ZNF536: variants seen among roughly 807,000 people sequenced by gnomAD.
ZNF536 encodes the protein zinc finger protein 536.
A neutral mutation model predicts 84.5 loss-of-function variants in ZNF536; 13 were observed. The observed-to-expected ratio is 0.15, with a 90% CI of 0.10 to 0.24. ZNF536 has a LOEUF of 0.24. Ranked by LOEUF, ZNF536 falls within the 10% of genes least tolerant of loss-of-function variation. ZNF536 has a pLI of 1.00. For synonymous variants in ZNF536, 811 were observed against 742.5 expected (o/e 1.09, Z -1.50); for missense variants, 1,536 against 1,747.5 (o/e 0.88, Z 2.16).
At chr19:30,533,940 A>G (rs2044964416) in intron 2 of ZNF536, among the ~76,000 whole-genome samples, 1 of 152,232 alleles carries the variant, frequency 6.6e-6, no homozygotes. Context: ...TGGCAGTGTG[A>G]TGTCAGGCCT....
intron 1 of ZNF536, among the ~76,000 whole-genome samples, chr19:30,442,176 T>G (rs1026294861): frequency 6.6e-6 from 1 of 152,138 alleles, no homozygotes; most frequent in Non-Finnish European, 1.5e-5. Flanking sequence ...TAGCTGGAAA[T>G]AGAAGGATCC....
chr19:30,427,047 A>G (rs2051247389), intron 1 of ZNF536, among the ~76,000 whole-genome samples: 1 of 152,224 alleles, frequency 6.6e-6, no homozygotes, highest in Non-Finnish European at 1.5e-5. Context: ...GTGAGGTAAC[A>G]AAGAAAAGTA....
At chr19:30,658,893 C>G (rs974212626) in intron 1 of ZNF536, among the ~76,000 whole-genome samples, 2 of 152,222 alleles carry the variant, frequency 1.3e-5, no homozygotes, top group African/African-American at 4.8e-5. Flanking sequence ...GAGACATAAA[C>G]TTGCTAACAT....
intron 1 of ZNF536, among the ~76,000 whole-genome samples, chr19:30,619,287 G>A (rs1413413166): frequency 6.6e-6 from 1 of 151,956 alleles, no homozygotes; most frequent in Non-Finnish European, 1.5e-5. Context: ...CTTCTCCTAT[G>A]AACTTCAGAT....
intron 1 of ZNF536, among the ~76,000 whole-genome samples, chr19:30,251,722 C>A (rs917933580): frequency 6.6e-6 from 1 of 152,046 alleles, no homozygotes; most frequent in Non-Finnish European, 1.5e-5. Context: ...GTCTTTTATT[C>A]CTCACTCACT....
At chr19:30,659,293 C>T (rs1250813842) in intron 1 of ZNF536, among the ~76,000 whole-genome samples, 2 of 151,142 alleles carry the variant, frequency 1.3e-5, no homozygotes, top group Non-Finnish European at 2.9e-5. Flanking sequence ...ATGGCCAGGG[C>T]AGGAGGAAAG....
intron 1 of ZNF536, among the ~76,000 whole-genome samples, chr19:30,283,050 A>G (rs2045505774): frequency 6.6e-6 from 1 of 152,226 alleles, no homozygotes; most frequent in African/African-American, 2.4e-5. Flanking sequence ...CCAGTGGTTC[A>G]ATCAGTACAA....
rs868466190 is a variant in ZNF536, at chr19:30,615,095, C to T, written c.169+65581C>T. ...CCGTGTAGCTGGGACTACAGGTGCG[C>T]GCCACCATGCCCGGCTAATTTTTGT... On this transcript the variant is annotated intron_variant, in intron 1 of 1. Coordinates refer to the ZNF536 transcript ENST00000592773. Among the ~76,000 whole-genome samples the T allele has an allele frequency of 4.8e-5, 7 of 146,656 alleles. No homozygotes were observed. The East Asian group carries it at 6.0e-4, about 13-fold the overall frequency.
At position 30,469,972 on chromosome 19, in the gene ZNF536, C is replaced by T. The variant is rs140546358; in HGVS notation, c.2170+24240C>T. Among the ~76,000 whole-genome samples, 78 of 152,320 alleles carry T rather than the reference C, an allele frequency of 5.1e-4. 1 individual carries two copies. In the East Asian group the frequency reaches 0.014, roughly 27 times the overall value. On this transcript the variant is annotated intron_variant, in intron 2 of 4. Transcript: ENST00000355537. ...GCAAGGAAGCCAGAGAAATCAGCAG[C>T]AACAGTGGTCTCCAGGGGGAGAGAT...
At chr19:30,354,929 G>C (rs1275520321) in intron 3 of ZNF536, among the ~76,000 whole-genome samples, 1 of 152,180 alleles carries the variant, frequency 6.6e-6, no homozygotes, top group Middle Eastern at 3.2e-3. Flanking sequence ...TTCAGCCCCA[G>C]AGCCTTTTCT....
At position 30,236,536 on chromosome 19, in the gene ZNF536, G is replaced by T. The variant is rs541477560; in HGVS notation, c.-190+7863G>T. ...CTTTTGTTAAAGTTGGGGCGGGGGGGGGGTACAATTGGAATTTTAGTTCCA... is the reference window on the plus strand; with the variant it reads ...CTTTTGTTAAAGTTGGGGCGGGGGGTGGGTACAATTGGAATTTTAGTTCCA... On this transcript the variant is annotated intron_variant, in intron 1 of 5. Coordinates refer to the ZNF536 transcript ENST00000585628. 1.1e-4 allele frequency among the ~76,000 whole-genome samples: 17 copies of T among 149,786 alleles called. 1 individual carries two copies. The highest frequency in any genetic ancestry group is 4.2e-4 in the South Asian group (2 of 4,776).
chr19:30,456,614 T>C (rs1400712839), intron 2 of ZNF536, among the ~76,000 whole-genome samples: 2 of 152,216 alleles, frequency 1.3e-5, no homozygotes, highest in African/African-American at 2.4e-5. Flanking sequence ...CGCCACTCTG[T>C]GACTTATTTG....
rs539420453 is a variant in ZNF536, at chr19:30,251,287, T to C, written c.-190+22614T>C. On this transcript the variant is annotated intron_variant, in intron 1 of 5. Transcript: ENST00000585628. The stretch of plus-strand genomic sequence containing the variant: ...TTGGGCCACCCATCTAGTAGATTAA[T>C]GTGGACAATGATGAAATGATGGTTC... Among the ~76,000 whole-genome samples, 6 of 152,300 alleles carry C rather than the reference T, an allele frequency of 3.9e-5. No individual in the cohort carries two copies. In the South Asian group the frequency reaches 1.2e-3, roughly 32 times the overall value.
chr19:30,306,867 G>A (rs2146019212), intron 2 of ZNF536, among the ~76,000 whole-genome samples: 1 of 152,212 alleles, frequency 6.6e-6, no homozygotes, highest in Non-Finnish European at 1.5e-5. Flanking sequence ...AAGCTTAAGT[G>A]TAAGAGCCAC....
intron 1 of ZNF536, among the ~76,000 whole-genome samples, chr19:30,266,124 C>G (rs1344810607): frequency 6.6e-6 from 1 of 152,222 alleles, no homozygotes; most frequent in Non-Finnish European, 1.5e-5. Flanking sequence ...TCACAGCTCA[C>G]TGCAGCCTTG....
At chr19:30,536,038 G>A (rs183958679) in intron 3 of ZNF536, among the ~76,000 whole-genome samples, 10 of 152,240 alleles carry the variant, frequency 6.6e-5, no homozygotes, top group Admixed American at 2.6e-4. Context: ...GCCATGGGCC[G>A]AGTCACCAGC....
chr19:30,269,026 C>G (rs1352145860), intron 1 of ZNF536, among the ~76,000 whole-genome samples: 1 of 152,216 alleles, frequency 6.6e-6, no homozygotes, highest in Middle Eastern at 3.2e-3. Flanking sequence ...AATGCAAGTC[C>G]CGCTCAGGTT....
At chr19:30,590,162 G>A (rs1439549437) in intron 1 of ZNF536, among the ~76,000 whole-genome samples, 1 of 152,182 alleles carries the variant, frequency 6.6e-6, no homozygotes, top group Non-Finnish European at 1.5e-5. Context: ...GGTTCTTCAT[G>A]GGCTCTGATC....
intron 1 of ZNF536, among the ~76,000 whole-genome samples, chr19:30,681,791 C>T (rs1161525452): frequency 2.0e-5 from 3 of 152,196 alleles, no homozygotes; most frequent in Middle Eastern, 3.2e-3. Flanking sequence ...TCCAGTTCCA[C>T]CCTCTGGTCT....
Sources: gnomAD v4.1 joint callset for allele counts (sites outside exome capture counted in the v4.1 genomes callset) on GRCh38, gnomAD v4.1.1 for gene constraint, MANE v1.5 for transcripts, NCBI Gene and HGNC (gene_info 2026-07-23, HGNC 2026-07-21) for gene names.